Variants in MYO3B observed in about 807,000 individuals in gnomAD.
MYO3B encodes the protein myosin IIIB.
A neutral mutation model predicts 174.6 loss-of-function variants in MYO3B; 156 were observed. The ratio of observed to expected loss-of-function variants is 0.89; its 90% CI spans 0.78 to 1.02. MYO3B has a LOEUF of 1.02. Ranked by LOEUF, MYO3B falls within the 50% of genes least tolerant of loss-of-function variation. The probability of loss-of-function intolerance (pLI) is 0.00; values close to 1 mark genes in which losing one functional copy is unlikely to be tolerated. For missense variants in MYO3B, 1,632 were observed against 1,639.4 expected (o/e 1.00, Z 0.08); for synonymous variants, 563 against 569.1 (o/e 0.99, Z 0.15).
rs1246245001 is a variant in MYO3B at position 170,383,831 on chromosome 2, C to T, written c.1290+17C>T. 1.9e-6 allele frequency: 3 copies of T among 1,585,430 alleles called. No homozygotes were observed. In the African/African-American group the frequency reaches 4.0e-5, roughly 21 times the overall value. ...AAAGACCAGGTAAGAACTCACCTTC[C>T]TTTCCTACGGAGTCACCCAGTTAAG... On this transcript the variant is annotated intron_variant, in intron 12 of 34. Coordinates refer to ENST00000408978, the MANE Select transcript of MYO3B (RefSeq NM_138995.5).
chr2:170,394,501 A>G (rs1474661312), intron 16 of MYO3B, among the ~76,000 whole-genome samples: 1 of 152,188 alleles, frequency 6.6e-6, no homozygotes, highest in Non-Finnish European at 1.5e-5. Flanking sequence ...CCCCTCTGGG[A>G]AAAAAGGTAC....
chr2:170,649,220 A>T (rs1698737666), intron 32 of MYO3B, among the ~76,000 whole-genome samples: 1 of 72,520 alleles, frequency 1.4e-5, no homozygotes, highest in African/African-American at 6.9e-5. Flanking sequence ...TATATAATAT[A>T]TTATATATAA....
At chr2:170,558,162 A>C (rs369772189) in intron 32 of MYO3B, among the ~76,000 whole-genome samples, 2 of 152,074 alleles carry the variant, frequency 1.3e-5, no homozygotes, top group African/African-American at 4.8e-5. Context: ...TTAGCCGAGC[A>C]TGGTGGCGGG....
At chr2:170,368,406 G>A (rs576740505) in intron 8 of MYO3B, among the ~76,000 whole-genome samples, 10 of 152,322 alleles carry the variant, frequency 6.6e-5, no homozygotes, top group East Asian at 3.9e-4. Flanking sequence ...AGGGATATTC[G>A]TCAGATTCAA....
At chr2:170,630,715 A>G (rs924079553) in intron 32 of MYO3B, among the ~76,000 whole-genome samples, 1 of 152,232 alleles carries the variant, frequency 6.6e-6, no homozygotes, top group Non-Finnish European at 1.5e-5. Flanking sequence ...AGGATCAGGC[A>G]GCAACATTTG....
chr2:170,626,600 C>T (rs1298661217), intron 32 of MYO3B, among the ~76,000 whole-genome samples: 1 of 152,154 alleles, frequency 6.6e-6, no homozygotes, highest in Non-Finnish European at 1.5e-5. Context: ...ATGATGTTAG[C>T]TGGCTATTTT....
chr2:170,452,186 C>G (rs1288065925), intron 23 of MYO3B, among the ~76,000 whole-genome samples: 1 of 151,422 alleles, frequency 6.6e-6, no homozygotes, highest in Non-Finnish European at 1.5e-5. Flanking sequence ...ATTTCTGATA[C>G]CCCCAAAAGT....
intron 7 of MYO3B, among the ~76,000 whole-genome samples, chr2:170,248,822 C>G (rs897848048): frequency 2.6e-5 from 4 of 152,208 alleles, no homozygotes; most frequent in African/African-American, 9.7e-5. Flanking sequence ...AAACTTAATC[C>G]TCTCTTGCCA....
In MYO3B at chr2:170,416,958, T is replaced by A. The variant is rs1378678990; in HGVS notation, c.2650+9114T>A. 1.3e-5 allele frequency among the ~76,000 whole-genome samples: 2 copies of A among 151,894 alleles called. 1 individual carries two copies. Among genetic ancestry groups the A allele is most frequent in the Non-Finnish European group, 2.9e-5 (2 of 67,974 alleles). On this transcript the variant is annotated intron_variant, in intron 22 of 34. Transcript: ENST00000408978. ...CTCCTGCCTCAGCCTCCCGAGTAGCTGGGTCTGCAGACATGGGCCACCACA... is the reference window on the plus strand; with the variant it reads ...CTCCTGCCTCAGCCTCCCGAGTAGCAGGGTCTGCAGACATGGGCCACCACA...
chr2:170,305,869 G>A (rs2093697598), intron 7 of MYO3B, among the ~76,000 whole-genome samples: 1 of 152,156 alleles, frequency 6.6e-6, no homozygotes, highest in South Asian at 2.1e-4. Context: ...TTACAGGTAT[G>A]CATTACCACT....
intron 32 of MYO3B, among the ~76,000 whole-genome samples, chr2:170,562,774 G>A (rs13397318): frequency 0.14 from 21,837 of 152,070 alleles, 2,943 homozygotes; most frequent in African/African-American, 0.35. Context: ...TGTTATAACA[G>A]TTTACATCCT....
intron 3 of MYO3B, among the ~76,000 whole-genome samples, chr2:170,200,780 C>T (rs992664637): frequency 6.6e-6 from 1 of 152,116 alleles, no homozygotes; most frequent in African/African-American, 2.4e-5. Flanking sequence ...GTGAGGAAGG[C>T]AGGATCAGGC....
chr2:170,296,148 G>A (rs1456958845), intron 7 of MYO3B, among the ~76,000 whole-genome samples: 1 of 152,186 alleles, frequency 6.6e-6, no homozygotes, highest in Non-Finnish European at 1.5e-5. Flanking sequence ...TGAGAGACAG[G>A]CCCTACATCT....
chr2:170,424,608 C>CA (rs573414407), intron 22 of MYO3B, among the ~76,000 whole-genome samples: 355 of 148,578 alleles, frequency 2.4e-3, no homozygotes, highest in Middle Eastern at 0.01. Flanking sequence ...GACTCCGCCT[C>CA]AAAAAAAAAG....
At chr2:170,233,898 G>A (rs1030212335) in intron 6 of MYO3B, among the ~76,000 whole-genome samples, 13 of 152,224 alleles carry the variant, frequency 8.5e-5, no homozygotes, top group Admixed American at 4.6e-4. Context: ...CTGGCCGGGC[G>A]CGGTGGCTCA....
intron 32 of MYO3B, among the ~76,000 whole-genome samples, chr2:170,596,397 C>G (rs924681446): frequency 6.6e-6 from 1 of 152,200 alleles, no homozygotes. Context: ...TTGACTGTTA[C>G]CATTTCCAGC....
intron 10 of MYO3B, 149 bp from the exon 11 acceptor site, chr2:170,382,924 G>T: frequency 1.8e-6 from 1 of 564,740 alleles, no homozygotes; most frequent in Non-Finnish European, 3.2e-6. Flanking sequence ...TAATGAATTG[G>T]GATCATTAGG....
At position 170,383,208 on chromosome 2, in the gene MYO3B, G is replaced by T; in HGVS notation, c.1185+19G>T. 1 of 1,402,714 alleles carries T rather than the reference G, an allele frequency of 7.1e-7. No homozygotes were observed. Among genetic ancestry groups the T allele is most frequent in the Non-Finnish European group, 1.0e-6 (1 of 991,198 alleles). The allele number at this position is 1,402,714 out of a possible 1,614,324, so 86.9% of individuals were successfully genotyped here. On this transcript the variant is annotated intron_variant, in intron 11 of 34. Transcript: ENST00000408978. Reference sequence around the variant, plus strand: ...TCCACAGGTAAGGGATGTTTTAAGAGCATACTGCTCCTTAATAGGAAATTA... The same window carrying T: ...TCCACAGGTAAGGGATGTTTTAAGATCATACTGCTCCTTAATAGGAAATTA...
chr2:170,304,762 C>T (rs13405547), intron 7 of MYO3B, among the ~76,000 whole-genome samples: 8 of 152,036 alleles, frequency 5.3e-5, no homozygotes, highest in Middle Eastern at 3.4e-3. Flanking sequence ...CCATCGCATC[C>T]GGCCCTTTTC....
Sources: allele counts gnomAD v4.1 joint callset (sites outside exome capture counted in the v4.1 genomes callset), GRCh38; gene constraint gnomAD v4.1.1; transcripts MANE v1.5; gene names NCBI Gene and HGNC (gene_info 2026-07-23, HGNC 2026-07-21).